SLA: variants seen among roughly 807,000 people sequenced by gnomAD.
SLA encodes the protein Src like adaptor.
A neutral mutation model predicts 30.3 loss-of-function variants in SLA; 16 were observed. The observed-to-expected ratio is 0.53, with a 90% CI of 0.36 to 0.80. The LOEUF (loss-of-function observed/expected upper bound fraction) is 0.80. Among genes scored for constraint, SLA ranks in the 30% least tolerant of loss-of-function variants. SLA has a pLI of 0.01. For missense variants in SLA, 310 were observed against 345.2 expected, an observed-to-expected ratio of 0.90 and a Z score of 0.81; for synonymous variants, 143 against 137.8, an observed-to-expected ratio of 1.04 and a Z score of -0.26.
intron 2 of SLA, among the ~76,000 whole-genome samples, chr8:133,065,266 C>T (rs918633227): frequency 3.6e-4 from 55 of 152,308 alleles, no homozygotes; most frequent in Admixed American, 3.3e-3. Context: ...TTGCTCAGAA[C>T]AACCCCACTT....
chr8:133,076,168 C>G (rs559681951), intron 1 of SLA: 10 of 152,312 alleles, frequency 6.6e-5, no homozygotes, highest in Admixed American at 2.6e-4. Context: ...CCTCAGAGCC[C>G]CTCACAGCCC....
At chr8:133,071,193 T>G (rs543170887) in intron 2 of SLA, among the ~76,000 whole-genome samples, 1 of 152,182 alleles carries the variant, frequency 6.6e-6, no homozygotes, top group Non-Finnish European at 1.5e-5. Context: ...GTGTCCTAGG[T>G]GTGTTACATG....
At chr8:133,075,441 G>A (rs1036199132) in intron 1 of SLA, among the ~76,000 whole-genome samples, 16 of 152,212 alleles carry the variant, frequency 1.1e-4, no homozygotes, top group Non-Finnish European at 2.9e-5. Context: ...TGGTGCCAAT[G>A]TGTGCGTCAA....
intron 1 of SLA, among the ~76,000 whole-genome samples, chr8:133,079,201 AG>A (rs926913519): frequency 6.6e-6 from 1 of 152,204 alleles, no homozygotes; most frequent in African/African-American, 2.4e-5. Context: ...CACTGTCAGG[AG>A]GTCAGGCTTT....
At chr8:133,056,825 G>A (rs997431446) in intron 3 of SLA, among the ~76,000 whole-genome samples, 1 of 152,218 alleles carries the variant, frequency 6.6e-6, no homozygotes, top group Non-Finnish European at 1.5e-5. Flanking sequence ...TTGTGTGTCA[G>A]TGCAGGGGCA....
intron 1 of SLA, chr8:133,102,290 A>G: frequency 2.4e-6 from 1 of 414,892 alleles, no homozygotes; most frequent in Non-Finnish European, 4.4e-6. Context: ...CTGCATAAGT[A>G]TCAGCTGGAT....
At chr8:133,086,401 G>T (rs1265106353) in intron 1 of SLA, among the ~76,000 whole-genome samples, 1 of 152,054 alleles carries the variant, frequency 6.6e-6, no homozygotes, top group Non-Finnish European at 1.5e-5. Context: ...TAGATACCAA[G>T]AATCATAGTT....
Position 133,038,236 on chromosome 8 carries a change from C to G in SLA, c.*288G>C, listed in dbSNP as rs1372851842. ...CTTGTGAGAGTGGCTTTGTCCTTCC[C>G]ACACACACAATGTGTGCATACATAC... is the stretch of plus-strand genomic sequence containing the variant. On this transcript the variant is annotated 3_prime_UTR_variant, in exon 9 of 9. Transcript: ENST00000338087. 1.6e-5 allele frequency: 7 copies of G among 429,070 alleles called. No homozygotes were observed. In the East Asian group the frequency reaches 2.9e-4, roughly 18 times the overall value. The allele number at this position is 429,070 out of a possible 1,614,324, so 26.6% of individuals were successfully genotyped here.
In SLA at chr8:133,050,858, G is replaced by T; in HGVS notation, c.119C>A (p.Pro40His). Residue 40 changes from proline to histidine, a missense_variant, in exon 4 of 9, where the codon CCC becomes CAC. By Grantham distance (77) the Pro-to-His change is moderately conservative. Transcript: ENST00000338087. ...LSDYPSPDIS[P>H]PIFRRGEKLR... ...TTTCTCCCCTCGGCGGAATATCGGGGGGCTGATGTCAGGAGACGGGTAGTC... is the reference window on the plus strand; with the variant it reads ...TTTCTCCCCTCGGCGGAATATCGGGTGGCTGATGTCAGGAGACGGGTAGTC... The T allele has an allele frequency of 5.6e-6, 9 of 1,613,934 alleles. No homozygotes were observed. The highest frequency in any genetic ancestry group is 7.6e-6 in the Non-Finnish European group (9 of 1,179,806).
chr8:133,045,585 C>T lies in SLA; in HGVS notation c.353-470G>A, dbSNP rs141052218. On this transcript the variant is annotated intron_variant, in intron 6 of 8. Transcript: ENST00000338087. ...AATTCTTTTATTTTTTGTAGAGGTG[C>T]AGTGTTGCTACATTGCCCAGGCTGA... Among the ~76,000 whole-genome samples the T allele has an allele frequency of 1.7e-3, 254 of 151,864 alleles. 1 individual carries two copies. Among genetic ancestry groups the T allele is most frequent in the African/African-American group, 5.3e-3 (220 of 41,396 alleles).
chr8:133,102,481 C>T (rs1211699348), intron 1 of SLA, 72 bp downstream of exon 1: 9 of 1,382,420 alleles, frequency 6.5e-6, no homozygotes, highest in South Asian at 6.2e-5. Context: ...TGAAGACCCT[C>T]CCCCACATAC....
chr8:133,050,461 G>A (rs951394044), intron 4 of SLA: 10 of 248,660 alleles, frequency 4.0e-5, no homozygotes, highest in South Asian at 2.8e-4. Flanking sequence ...TTTCTCATCC[G>A]AAGGATTTCC....
At chr8:133,076,832 A>ACAGAGAC (rs1468682405) in intron 1 of SLA, 4 of 151,908 alleles carry the variant, frequency 2.6e-5, no homozygotes, top group African/African-American at 9.7e-5. Flanking sequence ...AAAGGGGACT[A>ACAGAGAC]CAGAGACATG....
At position 133,047,836 on chromosome 8, in the gene SLA, T is replaced by G; in HGVS notation, c.346A>C (p.Lys116Gln). ...TGAGTTGGGGGCCACTCACCTTTCT[T>G]GGTCTCACTCTCTCTGATCATGAAG... ...GSFMIRESET[K>Q]KGFYSLSVRH... Residue 116 changes from lysine to glutamine, a missense_variant, in exon 6 of 9, where the codon AAG (lysine) becomes CAG (glutamine). Coordinates refer to ENST00000338087, the MANE Select transcript of SLA (RefSeq NM_001045556.3). 6.3e-7 allele frequency: 1 copy of G among 1,578,566 alleles called. No homozygotes were observed. The highest frequency in any genetic ancestry group is 8.7e-7 in the Non-Finnish European group (1 of 1,147,494).
chr8:133,088,247 T>C (rs2131586229), intron 1 of SLA, among the ~76,000 whole-genome samples: 1 of 148,676 alleles, frequency 6.7e-6, no homozygotes, highest in South Asian at 2.1e-4. Flanking sequence ...GGAGCCAGGC[T>C]CCCCTCCTGC....
chr8:133,046,706 C>T (rs2703000), intron 6 of SLA: 83,417 of 152,048 alleles, frequency 0.55, 23,809 homozygotes, highest in African/African-American at 0.69. Context: ...ATCCTGCCTC[C>T]GGGGACCTCT....
chr8:133,050,640 C>G (rs1216969169), intron 4 of SLA, 176 bp downstream of exon 4: 3 of 587,194 alleles, frequency 5.1e-6, no homozygotes, highest in East Asian at 2.9e-5. Context: ...ATGGAAGGTT[C>G]TAGAGCACTG....
At chr8:133,098,097 G>A (rs1848704889) in intron 1 of SLA, among the ~76,000 whole-genome samples, 1 of 152,096 alleles carries the variant, frequency 6.6e-6, no homozygotes, top group Non-Finnish European at 1.5e-5. Flanking sequence ...ATACAGCATA[G>A]CCCTTACCCT....
Position 133,036,951 on chromosome 8 carries a change from T to G in SLA, c.*1573A>C, listed in dbSNP as rs1322866261. The G allele has an allele frequency of 2.6e-5, 4 of 152,378 alleles. No individual in the cohort carries two copies. The highest frequency in any genetic ancestry group is 9.6e-5 in the African/African-American group (4 of 41,452). 9.4% of individuals were successfully genotyped at this position (152,378 alleles called of 1,614,324 possible). ...GTCAATGTCCACAGTGTTACATTCA[T>G]TTCTCATACGTTGGCTGGTTCCTTT... On this transcript the variant is annotated 3_prime_UTR_variant, in exon 9 of 9. Transcript: ENST00000338087.
Sources: allele counts gnomAD v4.1 joint callset (sites outside exome capture counted in the v4.1 genomes callset), GRCh38; gene constraint gnomAD v4.1.1; transcripts MANE v1.5; gene names NCBI Gene and HGNC (gene_info 2026-07-23, HGNC 2026-07-21).